MNAT1: variants seen among roughly 807,000 people sequenced by gnomAD.
The protein encoded by MNAT1 is CDK-activating kinase assembly factor MAT1.
MNAT1 carries 43 observed loss-of-function variants against 42.0 expected under a neutral mutation model. That is an observed-to-expected ratio of 1.02 (90% CI 0.80 to 1.32). MNAT1 has a LOEUF of 1.32. MNAT1 is among the 40% of genes most tolerant of loss of function. MNAT1 has a pLI of 0.00. For synonymous variants in MNAT1, 118 were observed against 120.0 expected (o/e 0.98, Z 0.11); for missense variants, 306 against 350.4 (o/e 0.87, Z 1.01).
intron 7 of MNAT1, among the ~76,000 whole-genome samples, chr14:60,889,868 C>T (rs1407429556): frequency 6.6e-6 from 1 of 152,214 alleles, no homozygotes; most frequent in African/African-American, 2.4e-5. Flanking sequence ...CATCACTGGT[C>T]ATCAGAGAAA....
At chr14:60,828,836 C>T (rs564203808) in intron 6 of MNAT1, among the ~76,000 whole-genome samples, 3 of 152,196 alleles carry the variant, frequency 2.0e-5, no homozygotes, top group Admixed American at 2.0e-4. Flanking sequence ...ACACTTATGT[C>T]TACTGATTTA....
intron 7 of MNAT1, among the ~76,000 whole-genome samples, chr14:60,893,316 T>A (rs1252544605): frequency 6.6e-6 from 1 of 152,088 alleles, no homozygotes; most frequent in East Asian, 1.9e-4. Flanking sequence ...ACTTCTTAAA[T>A]TCCCTACCTG....
intron 6 of MNAT1, among the ~76,000 whole-genome samples, chr14:60,879,122 G>T (rs1462627483): frequency 6.6e-6 from 1 of 151,822 alleles, no homozygotes; most frequent in Non-Finnish European, 1.5e-5. Context: ...TTCTCAAAAT[G>T]AGTTATCCAT....
intron 1 of MNAT1, among the ~76,000 whole-genome samples, chr14:60,776,578 G>C (rs537452334): frequency 2.6e-5 from 4 of 152,232 alleles, no homozygotes; most frequent in African/African-American, 7.2e-5. Flanking sequence ...CCTGGGGGGG[G>C]AGGAGCAGAT....
chr14:60,827,549 C>T (rs1260046103), intron 6 of MNAT1, among the ~76,000 whole-genome samples: 5 of 152,214 alleles, frequency 3.3e-5, no homozygotes, highest in African/African-American at 9.6e-5. Flanking sequence ...CCTGTAAAGC[C>T]ATAAGTTTGT....
intron 1 of MNAT1, among the ~76,000 whole-genome samples, chr14:60,795,953 C>T (rs2032004256): frequency 6.6e-6 from 1 of 152,184 alleles, no homozygotes; most frequent in African/African-American, 2.4e-5. Flanking sequence ...TCCTGCTCTT[C>T]TTCCTAGTCT....
intron 1 of MNAT1, among the ~76,000 whole-genome samples, chr14:60,776,380 T>G (rs2031250817): frequency 6.6e-6 from 1 of 152,040 alleles, no homozygotes; most frequent in Admixed American, 6.6e-5. Context: ...GATTGCAGGC[T>G]GAAGGTATGA....
intron 6 of MNAT1, among the ~76,000 whole-genome samples, chr14:60,861,678 TA>T (rs2034098741): frequency 6.6e-6 from 1 of 152,236 alleles, no homozygotes; most frequent in Admixed American, 6.5e-5. Flanking sequence ...CAACATATTT[TA>T]GTGTCCTTAA....
chr14:60,962,327 T>G (rs2036608117), intron 7 of MNAT1, among the ~76,000 whole-genome samples: 1 of 152,142 alleles, frequency 6.6e-6, no homozygotes, highest in South Asian at 2.1e-4. Flanking sequence ...TAGCTACTGT[T>G]TATTATCTGT....
chr14:60,948,365 A>C, intron 7 of MNAT1, among the ~76,000 whole-genome samples: 1 of 152,270 alleles, frequency 6.6e-6, no homozygotes, highest in African/African-American at 2.4e-5. Context: ...CAAGGAGTTC[A>C]AGGCTATGAT....
chr14:60,796,551 A>G (rs2032025367), intron 2 of MNAT1, among the ~76,000 whole-genome samples, 182 bp downstream of exon 2: 1 of 152,190 alleles, frequency 6.6e-6, no homozygotes, highest in Admixed American at 6.5e-5. Context: ...CTCTTGATTG[A>G]TGGCTTCATT....
At chr14:60,795,603 A>G (rs1371468536) in intron 1 of MNAT1, among the ~76,000 whole-genome samples, 1 of 151,892 alleles carries the variant, frequency 6.6e-6, no homozygotes, top group African/African-American at 2.4e-5. Context: ...ATAAGCAGCC[A>G]CTCTTTCTGG....
At chr14:60,846,344 A>G (rs2033683131) in intron 6 of MNAT1, among the ~76,000 whole-genome samples, 1 of 151,936 alleles carries the variant, frequency 6.6e-6, no homozygotes, top group Admixed American at 6.6e-5. Flanking sequence ...GCGGTGTGAC[A>G]GTCTTGTTGA....
intron 7 of MNAT1, among the ~76,000 whole-genome samples, chr14:60,934,476 T>A (rs1210192421): frequency 6.6e-6 from 1 of 152,066 alleles, no homozygotes; most frequent in Non-Finnish European, 1.5e-5. Flanking sequence ...AGGAGGTAAT[T>A]GAATCAAGGG....
intron 7 of MNAT1, among the ~76,000 whole-genome samples, chr14:60,946,127 C>G (rs2036270082): frequency 6.6e-6 from 1 of 152,174 alleles, no homozygotes; most frequent in Non-Finnish European, 1.5e-5. Flanking sequence ...AAATTGGTCT[C>G]CCTCCCTCTT....
At chr14:60,928,177 G>GTA (rs2035804288) in intron 7 of MNAT1, among the ~76,000 whole-genome samples, 1 of 152,040 alleles carries the variant, frequency 6.6e-6, no homozygotes, top group South Asian at 2.1e-4. Context: ...TCATATTGTA[G>GTA]TATATATATC....
intron 7 of MNAT1, among the ~76,000 whole-genome samples, chr14:60,967,225 C>G (rs1022944235): frequency 2.6e-5 from 4 of 152,090 alleles, no homozygotes; most frequent in African/African-American, 9.7e-5. Flanking sequence ...GAAAAACAGA[C>G]TTGTTATGTT....
At chr14:60,793,502 A>G (rs995884432) in intron 1 of MNAT1, among the ~76,000 whole-genome samples, 1 of 152,122 alleles carries the variant, frequency 6.6e-6, no homozygotes, top group Non-Finnish European at 1.5e-5. Context: ...AGCTAGGACT[A>G]CAGGCATGCA....
chr14:60,787,578 T>C (rs556146872), intron 1 of MNAT1, among the ~76,000 whole-genome samples: 8 of 152,296 alleles, frequency 5.3e-5, no homozygotes, highest in African/African-American at 1.9e-4. Flanking sequence ...CCCTGGAGCA[T>C]GTGATGCTGT....
Sources: gnomAD v4.1 joint callset for allele counts (sites outside exome capture counted in the v4.1 genomes callset) on GRCh38, gnomAD v4.1.1 for gene constraint, MANE v1.5 for transcripts, NCBI Gene and HGNC (gene_info 2026-07-23, HGNC 2026-07-21) for gene names.